Variants in UCK2 observed in about 807,000 individuals in gnomAD.
UCK2 encodes cytidine monophosphokinase 2.
UCK2 carries 6 observed loss-of-function variants against 30.8 expected under a neutral mutation model. The ratio of observed to expected loss-of-function variants is 0.19; its 90% CI spans 0.11 to 0.38. The LOEUF (loss-of-function observed/expected upper bound fraction) is 0.38. Ranked by LOEUF, UCK2 falls within the 10% of genes least tolerant of loss-of-function variation. The pLI, the probability that UCK2 is intolerant of heterozygous loss-of-function variation, is 1.00. For synonymous variants in UCK2, 125 were observed against 133.6 expected (o/e 0.94, Z 0.45); for missense variants, 210 against 339.8 (o/e 0.62, Z 3.00).
rs1655605425 is a variant in UCK2 at position 165,886,045 on chromosome 1, C to T, written c.100-4159C>T. Among the ~76,000 whole-genome samples the T allele has an allele frequency of 2.0e-5, 3 of 151,990 alleles. 1 individual carries two copies. The South Asian group carries it at 6.2e-4, about 32-fold the overall frequency. ...AATCCATTCAACAACTCTTCATTTTCCCCTCCCCTCAGCCCCTGGCAACCA... is the reference window on the plus strand; with the variant it reads ...AATCCATTCAACAACTCTTCATTTTTCCCTCCCCTCAGCCCCTGGCAACCA... On this transcript the variant is annotated intron_variant, in intron 1 of 6. Coordinates refer to ENST00000367879, the MANE Select transcript of UCK2 (RefSeq NM_012474.5).
intron 1 of UCK2, among the ~76,000 whole-genome samples, chr1:165,829,047 C>T (rs912357902): frequency 6.6e-6 from 1 of 152,114 alleles, no homozygotes; most frequent in Non-Finnish European, 1.5e-5. Context: ...GCTCCCGAAC[C>T]GACTCGTCAG....
At chr1:165,891,203 T>G in intron 2 of UCK2, 23 bp from the exon 3 acceptor site, 1 of 1,605,072 alleles carries the variant, frequency 6.2e-7, no homozygotes, top group Non-Finnish European at 8.5e-7. Flanking sequence ...TAAGAAACAT[T>G]TTAACAATTT....
rs1026166018 is a variant in UCK2 at position 165,911,185 on chromosome 1, T to G, written c.*3362T>G. On this transcript the variant is annotated 3_prime_UTR_variant, in exon 7 of 7. Transcript: ENST00000367879. ...GAGGAGCAGCTAGGTAGGTGGGTTA[T>G]GCGGTTCAGGACTGCTTCTGGAAGG... 6.6e-6 allele frequency: 1 copy of G among 152,348 alleles called. No individual in the cohort carries two copies. The highest frequency in any genetic ancestry group is 2.1e-4 in the South Asian group (1 of 4,838). 9.4% of individuals were successfully genotyped at this position (152,348 alleles called of 1,614,324 possible).
chr1:165,859,432 A>G (rs183670865), intron 1 of UCK2, among the ~76,000 whole-genome samples: 1 of 152,200 alleles, frequency 6.6e-6, no homozygotes, highest in Admixed American at 6.5e-5. Flanking sequence ...TTCTTGTTAC[A>G]TGTATTCCAG....
intron 4 of UCK2, 77 bp downstream of exon 4, chr1:165,896,409 C>A: frequency 6.4e-7 from 1 of 1,555,390 alleles, no homozygotes. Flanking sequence ...GTGACAGGAC[C>A]CCACCCGCCT....
chr1:165,900,137 C>G (rs1571300029), intron 4 of UCK2: 1 of 152,264 alleles, frequency 6.6e-6, no homozygotes, highest in Non-Finnish European at 1.5e-5. Context: ...CTTTGCTGCC[C>G]CCGCTCAGCT....
intron 3 of UCK2, chr1:165,895,586 G>T: frequency 1.0e-6 from 1 of 985,568 alleles, no homozygotes; most frequent in Non-Finnish European, 1.2e-6. Context: ...TTGGTTTGGG[G>T]TAGAGCCAGA....
intron 4 of UCK2, chr1:165,902,838 A>G: frequency 5.4e-6 from 1 of 183,854 alleles, no homozygotes; most frequent in Admixed American, 5.4e-5. Context: ...TCTTGTTAAC[A>G]GTGAGCTCTC....
chr1:165,887,226 A>G (rs1177221956), intron 1 of UCK2, among the ~76,000 whole-genome samples: 1 of 152,206 alleles, frequency 6.6e-6, no homozygotes, highest in African/African-American at 2.4e-5. Flanking sequence ...GTGGAAGGGA[A>G]GGGTCACCAG....
intron 1 of UCK2, among the ~76,000 whole-genome samples, chr1:165,880,069 A>G (rs1439244113): frequency 2.0e-5 from 3 of 152,234 alleles, no homozygotes; most frequent in Non-Finnish European, 4.4e-5. Context: ...TATACTTTGT[A>G]CAACAAAGCA....
chr1:165,895,168 C>G (rs1557848053), intron 3 of UCK2, among the ~76,000 whole-genome samples: 1 of 152,180 alleles, frequency 6.6e-6, no homozygotes. Flanking sequence ...AATCCTAGCA[C>G]TTTGGGAGGC....
Position 165,869,629 on chromosome 1 carries a change from A to G in UCK2, c.100-20575A>G, listed in dbSNP as rs552317156. ...TCTTAAAAAAAAAATTGCCATCCTAATGGGTATGAAAGAGAATCTCATCAT... is the reference window on the plus strand; with the variant it reads ...TCTTAAAAAAAAAATTGCCATCCTAGTGGGTATGAAAGAGAATCTCATCAT... On this transcript the variant is annotated intron_variant, in intron 1 of 6. Transcript: ENST00000367879. 3.5e-4 allele frequency among the ~76,000 whole-genome samples: 51 copies of G among 146,566 alleles called. 1 individual carries two copies. The highest frequency in any genetic ancestry group is 1.2e-3 in the African/African-American group (49 of 39,698).
At chr1:165,838,721 C>T (rs1169915034) in intron 1 of UCK2, among the ~76,000 whole-genome samples, 1 of 151,672 alleles carries the variant, frequency 6.6e-6, no homozygotes, top group Admixed American at 6.6e-5. Context: ...AGTGTGCATG[C>T]TAGATGGCTT....
chr1:165,865,655 C>G (rs1457579038), intron 1 of UCK2, among the ~76,000 whole-genome samples: 1 of 152,076 alleles, frequency 6.6e-6, no homozygotes, highest in African/African-American at 2.4e-5. Flanking sequence ...CATTCCGTTG[C>G]ACTAGGACGC....
At chr1:165,885,190 T>G (rs972208967) in intron 1 of UCK2, 11 of 387,818 alleles carry the variant, frequency 2.8e-5, no homozygotes, top group Non-Finnish European at 5.0e-5. Context: ...CAAAGCGGCT[T>G]ATGTTCTAAA....
At chr1:165,842,397 T>G (rs1654352165) in intron 1 of UCK2, among the ~76,000 whole-genome samples, 1 of 152,188 alleles carries the variant, frequency 6.6e-6, no homozygotes, top group Non-Finnish European at 1.5e-5. Flanking sequence ...CACCAATGAT[T>G]ATCCAGAATG....
chr1:165,854,027 G>T (rs148283790), intron 1 of UCK2, among the ~76,000 whole-genome samples: 2 of 152,350 alleles, frequency 1.3e-5, no homozygotes, highest in Admixed American at 6.5e-5. Flanking sequence ...AACTAGATCT[G>T]TGTAGTCAGA....
At chr1:165,832,277 C>T (rs189539127) in intron 1 of UCK2, among the ~76,000 whole-genome samples, 20 of 152,238 alleles carry the variant, frequency 1.3e-4, no homozygotes, top group African/African-American at 4.8e-4. Context: ...CCATATCTTT[C>T]TTGTCTTATG....
chr1:165,847,801 G>A (rs1654488972), intron 1 of UCK2, among the ~76,000 whole-genome samples: 1 of 151,738 alleles, frequency 6.6e-6, no homozygotes, highest in African/African-American at 2.4e-5. Flanking sequence ...TTTTTTCTTT[G>A]TTTGTTTTTT....
Sources: allele counts gnomAD v4.1 joint callset (sites outside exome capture counted in the v4.1 genomes callset), GRCh38; gene constraint gnomAD v4.1.1; transcripts MANE v1.5; gene names NCBI Gene and HGNC (gene_info 2026-07-23, HGNC 2026-07-21).